Variants in ATCAY observed in about 807,000 individuals in gnomAD.
ATCAY encodes the protein caytaxin.
A neutral mutation model predicts 47.7 loss-of-function variants in ATCAY; 22 were observed. The observed-to-expected ratio is 0.46, with a 90% CI of 0.33 to 0.66. ATCAY has a LOEUF of 0.66. Among genes scored for constraint, ATCAY ranks in the 30% least tolerant of loss-of-function variants. The probability of loss-of-function intolerance (pLI) is 0.02; values close to 1 mark genes in which losing one functional copy is unlikely to be tolerated. For synonymous variants in ATCAY, 216 were observed against 207.6 expected, an observed-to-expected ratio of 1.04 and a Z score of -0.35; for missense variants, 452 against 515.0, an observed-to-expected ratio of 0.88 and a Z score of 1.18.
intron 9 of ATCAY, among the ~76,000 whole-genome samples, chr19:3,916,568 G>A (rs1391490331): frequency 4.6e-5 from 7 of 151,860 alleles, no homozygotes; most frequent in Non-Finnish European, 8.8e-5. Context: ...ATCTTGGCTC[G>A]CTGCAACCTC....
chr19:3,884,485 G>T (rs1482190264), intron 1 of ATCAY, among the ~76,000 whole-genome samples: 1 of 151,992 alleles, frequency 6.6e-6, no homozygotes, highest in Non-Finnish European at 1.5e-5. Flanking sequence ...GAGCCTACTG[G>T]ATTCTCTTTG....
intron 10 of ATCAY, 34 bp downstream of exon 10, chr19:3,917,811 C>T (rs940510067): frequency 1.9e-6 from 3 of 1,602,086 alleles, no homozygotes; most frequent in Non-Finnish European, 2.6e-6. Flanking sequence ...GGGGCTGGGT[C>T]GGGGCAGCGG....
Position 3,908,386 on chromosome 19 carries a change from C to A in ATCAY, c.647+16C>A. ...ACCTCTTCCTGTGAGTCCCCGCCCG[C>A]GGCGAGCAGCCTCGGGCCAGCTCTG... On this transcript the variant is annotated intron_variant, in intron 6 of 12. Coordinates refer to ENST00000450849, the MANE Select transcript of ATCAY (RefSeq NM_033064.5). 6.4e-7 allele frequency: 1 copy of A among 1,563,544 alleles called. No homozygotes were observed. The highest frequency in any genetic ancestry group is 8.7e-7 in the Non-Finnish European group (1 of 1,151,686).
chr19:3,924,911 C>T lies in ATCAY; in HGVS notation c.*319C>T, dbSNP rs899212240. ...GGGTGGCCCGCGTGGCGTCGGTGGC[C>T]TCCGCTCCTGCTCGCAGCCTCTGTG... On this transcript the variant is annotated 3_prime_UTR_variant, in exon 13 of 13. Transcript: ENST00000450849. The T allele has an allele frequency of 2.8e-6, 1 of 356,030 alleles. No homozygotes were observed. 22.1% of individuals were successfully genotyped at this position (356,030 alleles called of 1,614,324 possible).
intron 2 of ATCAY, among the ~76,000 whole-genome samples, chr19:3,899,390 C>T (rs559074604): frequency 8.7e-5 from 13 of 149,434 alleles, no homozygotes; most frequent in East Asian, 2.0e-4. Flanking sequence ...CTCGGCTCAC[C>T]GCAACCTCCG....
intron 2 of ATCAY, among the ~76,000 whole-genome samples, chr19:3,887,143 G>A (rs2038664960): frequency 6.6e-6 from 1 of 152,124 alleles, no homozygotes; most frequent in Non-Finnish European, 1.5e-5. Flanking sequence ...GGTGACAGGT[G>A]CTGATCACTG....
At chr19:3,918,042 A>G (rs1261765160) in intron 10 of ATCAY, among the ~76,000 whole-genome samples, 1 of 152,170 alleles carries the variant, frequency 6.6e-6, no homozygotes, top group Non-Finnish European at 1.5e-5. Context: ...CACCCTTGGC[A>G]AAAAAGGTTG....
chr19:3,893,686 A>C (rs1283780605), intron 2 of ATCAY: 1 of 152,188 alleles, frequency 6.6e-6, no homozygotes, highest in Non-Finnish European at 1.5e-5. Flanking sequence ...AGCTTGCTCC[A>C]CCCATGTTCC....
At chr19:3,905,358 C>T (rs1250887716) in intron 3 of ATCAY, 76 bp from the exon 4 acceptor site, 1 of 1,406,388 alleles carries the variant, frequency 7.1e-7, no homozygotes, top group Non-Finnish European at 9.6e-7. Context: ...GAAACAGCTT[C>T]CACCAGGTAG....
intron 3 of ATCAY, among the ~76,000 whole-genome samples, chr19:3,904,852 C>CTTTATTTATTTATTTATTTA (rs4018054): frequency 1.3e-5 from 2 of 150,488 alleles, no homozygotes; most frequent in African/African-American, 4.9e-5. Flanking sequence ...GTCTCTTCTC[C>CTTTATTTATTTATTTATTTA]TTTATTTATT....
chr19:3,884,565 G>T (rs1021232809), intron 1 of ATCAY, among the ~76,000 whole-genome samples: 1 of 152,248 alleles, frequency 6.6e-6, no homozygotes, highest in African/African-American at 2.4e-5. Flanking sequence ...TGACTGTTTG[G>T]ATTTCTTGCT....
chr19:3,899,308 CTT>C (rs146410703), intron 2 of ATCAY, among the ~76,000 whole-genome samples: 14 of 106,940 alleles, frequency 1.3e-4, no homozygotes, highest in Middle Eastern at 4.9e-3. Flanking sequence ...GGGAATAAAT[CTT>C]TTTTTTTTTT....
At position 3,905,666 on chromosome 19, in the gene ATCAY, G is replaced by C. The variant is rs1568448477; in HGVS notation, c.358+11G>C. The C allele has an allele frequency of 1.2e-6, 2 of 1,609,454 alleles. No individual in the cohort carries two copies. The highest frequency in any genetic ancestry group is 1.7e-6 in the Non-Finnish European group (2 of 1,177,116). ...AACTGGAGTGGGAAGGTAAAGTTCA[G>C]GGTCTCTCTGGGGCCTGCTGGAGCC... On this transcript the variant is annotated intron_variant, in intron 4 of 12. Transcript: ENST00000450849.
At chr19:3,920,740 G>A (rs754425120) in intron 11 of ATCAY, 26 bp from the exon 12 acceptor site, 40 of 1,567,736 alleles carry the variant, frequency 2.6e-5, no homozygotes, top group Admixed American at 1.7e-4. Context: ...AGCAAATAAC[G>A]CCCAGTCTCC....
At chr19:3,903,777 G>A (rs1031917427) in intron 3 of ATCAY, among the ~76,000 whole-genome samples, 4 of 150,524 alleles carry the variant, frequency 2.7e-5, no homozygotes, top group Admixed American at 6.6e-5. Context: ...TTCCCACCTT[G>A]GCCTCCCAAA....
At chr19:3,903,220 T>C (rs2038830037) in intron 3 of ATCAY, among the ~76,000 whole-genome samples, 1 of 151,756 alleles carries the variant, frequency 6.6e-6, no homozygotes, top group African/African-American at 2.4e-5. Flanking sequence ...GCCATCTTCT[T>C]GCCTCAGCCT....
intron 12 of ATCAY, 45 bp downstream of exon 12, chr19:3,920,843 C>T (rs780746993): frequency 3.0e-5 from 48 of 1,607,222 alleles, no homozygotes; most frequent in Non-Finnish European, 3.9e-5. Flanking sequence ...TCAAAATGTC[C>T]TTCATGGACC....
intron 3 of ATCAY, among the ~76,000 whole-genome samples, chr19:3,903,524 C>A (rs1355272557): frequency 1.3e-5 from 2 of 151,788 alleles, no homozygotes; most frequent in African/African-American, 4.8e-5. Flanking sequence ...CCTGTGAGGG[C>A]CAAACAAAAT....
chr19:3,922,232 A>C (rs1264473835), intron 12 of ATCAY: 1 of 700,914 alleles, frequency 1.4e-6, no homozygotes, highest in Non-Finnish European at 2.6e-6. Context: ...TGTGAGTGTT[A>C]TTAGTCCATT....
Sources: allele counts gnomAD v4.1 joint callset (sites outside exome capture counted in the v4.1 genomes callset), GRCh38; gene constraint gnomAD v4.1.1; transcripts MANE v1.5; gene names NCBI Gene and HGNC (gene_info 2026-07-23, HGNC 2026-07-21).